TXLNB: variants seen among roughly 807,000 people sequenced by gnomAD.
TXLNB encodes beta-taxilin.
Under a neutral mutation model 57.4 loss-of-function variants are expected in TXLNB, and 37 were observed. That is an observed-to-expected ratio of 0.64 (90% CI 0.50 to 0.85). The LOEUF (loss-of-function observed/expected upper bound fraction) is 0.85. TXLNB is among the 40% of genes least tolerant of loss of function. TXLNB has a pLI of 0.00. For missense variants in TXLNB, 848 were observed against 825.6 expected, an observed-to-expected ratio of 1.03 and a Z score of -0.33; for synonymous variants, 302 against 309.6, an observed-to-expected ratio of 0.98 and a Z score of 0.26.
At chr6:139,230,658 A>G in the TXLNB span, among the ~76,000 whole-genome samples, 1 of 152,160 alleles carries the variant, frequency 6.6e-6, no homozygotes, top group African/African-American at 2.4e-5. Flanking sequence ...CTGGGGATGG[A>G]GCTGTGAGTC....
the TXLNB span, among the ~76,000 whole-genome samples, chr6:139,162,266 T>C: frequency 6.6e-6 from 1 of 151,936 alleles, no homozygotes; most frequent in Non-Finnish European, 1.5e-5. Flanking sequence ...CCTGGTAAAA[T>C]TGGTATGTAG....
the TXLNB span, among the ~76,000 whole-genome samples, chr6:139,159,807 T>G: frequency 1.3e-5 from 2 of 152,262 alleles, no homozygotes; most frequent in Non-Finnish European, 2.9e-5. Context: ...AAGCCTCATA[T>G]GACTTAAGAA....
the TXLNB span, among the ~76,000 whole-genome samples, chr6:139,222,682 T>G: frequency 5.9e-5 from 9 of 152,280 alleles, no homozygotes; most frequent in African/African-American, 1.9e-4. Context: ...GGCACACACC[T>G]GTAATCTCAG....
the TXLNB span, among the ~76,000 whole-genome samples, chr6:139,165,391 A>G: frequency 1.3e-5 from 2 of 152,140 alleles, no homozygotes; most frequent in Non-Finnish European, 2.9e-5. Flanking sequence ...CAATTGATGA[A>G]CCTACATTTA....
intron 7 of TXLNB, among the ~76,000 whole-genome samples, chr6:139,250,914 C>T (rs1776189606): frequency 6.6e-6 from 1 of 152,202 alleles, no homozygotes; most frequent in African/African-American, 2.4e-5. Flanking sequence ...GTCACCATGT[C>T]TTACTTTTCC....
At chr6:139,276,010 C>T (rs751461651) in intron 3 of TXLNB, among the ~76,000 whole-genome samples, 11 of 152,194 alleles carry the variant, frequency 7.2e-5, no homozygotes, top group Non-Finnish European at 1.2e-4. Context: ...TTTTGTTTTG[C>T]CTCAAACTAC....
chr6:139,249,926 G>T (rs1230690356), intron 7 of TXLNB, among the ~76,000 whole-genome samples: 1 of 152,032 alleles, frequency 6.6e-6, no homozygotes, highest in Non-Finnish European at 1.5e-5. Flanking sequence ...GCCAAGAAGG[G>T]GCTCTAGGGT....
chr6:139,166,737 G>A, the TXLNB span: 5 of 1,613,276 alleles, frequency 3.1e-6, no homozygotes, highest in African/African-American at 1.3e-5. Context: ...CTCCCCCGCC[G>A]GCATTCCATG....
the TXLNB span, among the ~76,000 whole-genome samples, chr6:139,231,632 T>A: frequency 2.5e-4 from 38 of 152,302 alleles, 1 homozygote; most frequent in African/African-American, 8.7e-4. Flanking sequence ...GCAGGTCTCA[T>A]AGAATAAAAC....
chr6:139,184,810 T>C, the TXLNB span, among the ~76,000 whole-genome samples: 3 of 152,296 alleles, frequency 2.0e-5, no homozygotes, highest in African/African-American at 7.2e-5. Flanking sequence ...TCCCAGACTG[T>C]TGAGGGTTGC....
In TXLNB at chr6:139,242,987, C is replaced by T; in HGVS notation, c.1594G>A (p.Glu532Lys). The change falls in exon 10 of 10, where the codon GAG (glutamate) becomes AAG (lysine). Residue 532 changes from glutamate to lysine, a missense_variant. Glu to Lys is a moderately conservative substitution (Grantham distance 56). Coordinates refer to ENST00000358430, the MANE Select transcript of TXLNB (RefSeq NM_153235.4). ...ETQPEIGSSQ[E>K]SADAALKEPE... ...TCCTTGAGAGCGGCGTCAGCACTCT[C>T]CTGAGAACTGCCTATTTCGGGTTGG... is the stretch of plus-strand genomic sequence containing the variant. The T allele has an allele frequency of 6.2e-7, 1 of 1,614,158 alleles. No homozygotes were observed. Among genetic ancestry groups the T allele is most frequent in the South Asian group, 1.1e-5 (1 of 91,082 alleles).
intron 3 of TXLNB, 42 bp from the exon 4 acceptor site, chr6:139,270,668 A>G (rs1776739304): frequency 6.3e-7 from 1 of 1,586,928 alleles, no homozygotes. Context: ...AATGGCAGGG[A>G]TCTCCTTGGA....
chr6:139,321,633 CTTTTT>C, the TXLNB span, among the ~76,000 whole-genome samples: 9 of 84,362 alleles, frequency 1.1e-4, no homozygotes. Flanking sequence ...ACTACTCTCT[CTTTTT>C]TTTTTTTTTT....
chr6:139,223,434 TGAAA>T, the TXLNB span, among the ~76,000 whole-genome samples: 1 of 151,602 alleles, frequency 6.6e-6, no homozygotes, highest in African/African-American at 2.4e-5. Flanking sequence ...ACACAATGAA[TGAAA>T]TAGAAAACAA....
intron 3 of TXLNB, among the ~76,000 whole-genome samples, chr6:139,270,859 C>A (rs1776744102): frequency 6.6e-6 from 1 of 152,138 alleles, no homozygotes; most frequent in Non-Finnish European, 1.5e-5. Flanking sequence ...TCTCTTTTTA[C>A]TTTGATCTAT....
the TXLNB span, among the ~76,000 whole-genome samples, chr6:139,182,716 T>A: frequency 2.0e-5 from 3 of 152,230 alleles, no homozygotes; most frequent in Non-Finnish European, 4.4e-5. Context: ...ATATTTGAAA[T>A]AGTAATGTAT....
At chr6:139,268,386 G>C (rs1038710565) in intron 4 of TXLNB, among the ~76,000 whole-genome samples, 2 of 152,068 alleles carry the variant, frequency 1.3e-5, no homozygotes, top group African/African-American at 2.4e-5. Flanking sequence ...AGGCATAAAT[G>C]ATTTAAAGCT....
chr6:139,277,480 C>CT (rs1248425592), intron 2 of TXLNB, among the ~76,000 whole-genome samples: 1 of 152,030 alleles, frequency 6.6e-6, no homozygotes, highest in Admixed American at 6.6e-5. Context: ...CCAAGTTTCT[C>CT]TTTTTTGTAC....
the TXLNB span, among the ~76,000 whole-genome samples, chr6:139,309,783 T>G: frequency 6.6e-6 from 1 of 151,844 alleles, no homozygotes; most frequent in Non-Finnish European, 1.5e-5. Context: ...ATTAATTAAT[T>G]AAAAAATATA....
Sources: gnomAD v4.1 joint callset for allele counts (sites outside exome capture counted in the v4.1 genomes callset) on GRCh38, gnomAD v4.1.1 for gene constraint, MANE v1.5 for transcripts, NCBI Gene and HGNC (gene_info 2026-07-23, HGNC 2026-07-21) for gene names.